Variants in DDX10 observed in about 807,000 individuals in gnomAD.
DDX10 encodes the protein probable ATP-dependent RNA helicase DDX10.
DDX10 carries 74 observed loss-of-function variants against 104.3 expected under a neutral mutation model. That is an observed-to-expected ratio of 0.71 (90% CI 0.59 to 0.86). DDX10 has a LOEUF of 0.86. Ranked by LOEUF, DDX10 falls within the 40% of genes least tolerant of loss-of-function variation. The probability of loss-of-function intolerance (pLI) is 0.00; values close to 1 mark genes in which losing one functional copy is unlikely to be tolerated. For missense variants in DDX10, 952 were observed against 1,040.0 expected, an observed-to-expected ratio of 0.92 and a Z score of 1.16; for synonymous variants, 351 against 353.4, an observed-to-expected ratio of 0.99 and a Z score of 0.08.
At chr11:108,939,418 T>A (rs1591133912) in intron 17 of DDX10, among the ~76,000 whole-genome samples, 1 of 152,184 alleles carries the variant, frequency 6.6e-6, no homozygotes, top group African/African-American at 2.4e-5. Context: ...AATGACATAA[T>A]CTATGTAAGG....
At position 108,696,123 on chromosome 11, in the gene DDX10, G is replaced by A. The variant is rs564136190; in HGVS notation, c.1223+2523G>A. On this transcript the variant is annotated intron_variant, in intron 9 of 17. Coordinates refer to ENST00000322536, the MANE Select transcript of DDX10 (RefSeq NM_004398.4). ...TGCCTGTTCTCCATTTTTATGAGGG[G>A]GTAGATGGTGCCTCATTGGTCTTTA... Among the ~76,000 whole-genome samples, 137 of 152,064 alleles carry A rather than the reference G, an allele frequency of 9.0e-4. 1 individual carries two copies. The highest frequency in any genetic ancestry group is 3.2e-3 in the African/African-American group (133 of 41,492).
At chr11:108,672,212 T>C (rs1023901750) in intron 1 of DDX10, among the ~76,000 whole-genome samples, 1 of 152,152 alleles carries the variant, frequency 6.6e-6, no homozygotes. Context: ...GTGCAATGTT[T>C]TGTTTGAGGA....
At chr11:108,809,355 G>T (rs557639456) in intron 13 of DDX10, among the ~76,000 whole-genome samples, 5 of 152,132 alleles carry the variant, frequency 3.3e-5, no homozygotes, top group Admixed American at 1.3e-4. Context: ...TAGGGACTCC[G>T]CCCCCTTCCT....
At chr11:108,768,300 G>A (rs1309613992) in intron 13 of DDX10, among the ~76,000 whole-genome samples, 4 of 152,180 alleles carry the variant, frequency 2.6e-5, no homozygotes, top group African/African-American at 7.2e-5. Context: ...TTTCCAAAGT[G>A]AGGAGCAGGA....
At chr11:108,877,784 G>A (rs959553983) in intron 16 of DDX10, among the ~76,000 whole-genome samples, 1 of 152,184 alleles carries the variant, frequency 6.6e-6, no homozygotes, top group Non-Finnish European at 1.5e-5. Flanking sequence ...TTGGTAAGGA[G>A]AGGGTAGAAA....
chr11:108,852,921 A>C (rs1316336936), intron 16 of DDX10, among the ~76,000 whole-genome samples: 1 of 152,074 alleles, frequency 6.6e-6, no homozygotes, highest in African/African-American at 2.4e-5. Context: ...ACTAGCCATG[A>C]TTTCTTCTTG....
chr11:108,879,107 G>A (rs1196914384), intron 16 of DDX10, among the ~76,000 whole-genome samples: 1 of 152,048 alleles, frequency 6.6e-6, no homozygotes, highest in East Asian at 1.9e-4. Flanking sequence ...AGGTTCAAGC[G>A]ATTCCCGTGT....
At chr11:108,936,023 T>A (rs1864032975) in intron 17 of DDX10, among the ~76,000 whole-genome samples, 2 of 152,176 alleles carry the variant, frequency 1.3e-5, no homozygotes, top group South Asian at 4.1e-4. Context: ...CACAACTTAG[T>A]CTTTGCCACA....
intron 13 of DDX10, among the ~76,000 whole-genome samples, chr11:108,763,435 C>A (rs1333498534): frequency 1.3e-5 from 2 of 152,026 alleles, no homozygotes; most frequent in Non-Finnish European, 1.5e-5. Context: ...ATGCCAGTAA[C>A]AAATAAGTCT....
intron 17 of DDX10, among the ~76,000 whole-genome samples, chr11:108,939,051 G>A (rs549279524): frequency 5.9e-5 from 9 of 152,116 alleles, no homozygotes; most frequent in Non-Finnish European, 8.8e-5. Flanking sequence ...GAAAGTTAAC[G>A]TGTATTGAGC....
In DDX10 at chr11:108,925,073, C is replaced by G. The variant is rs180716816; in HGVS notation, c.2450+7055C>G. ...TGCCAAGCAACTTTCAAGAGAAAAT[C>G]TCAGTCGTTTCTTATTTGTCAAACA... On this transcript the variant is annotated intron_variant, in intron 17 of 17. Transcript: ENST00000322536. Among the ~76,000 whole-genome samples, 53 of 152,274 alleles carry G rather than the reference C, an allele frequency of 3.5e-4. 1 individual carries two copies. Among genetic ancestry groups the G allele is most frequent in the African/African-American group, 1.3e-3 (53 of 41,548 alleles).
intron 13 of DDX10, among the ~76,000 whole-genome samples, chr11:108,784,630 T>C (rs772456531): frequency 3.3e-5 from 5 of 152,228 alleles, no homozygotes; most frequent in South Asian, 2.1e-4. Flanking sequence ...ATATTTTTTC[T>C]CCGATTCTGT....
At chr11:108,914,970 T>G (rs761413336) in intron 16 of DDX10, among the ~76,000 whole-genome samples, 6 of 151,392 alleles carry the variant, frequency 4.0e-5, no homozygotes, top group Non-Finnish European at 5.9e-5. Flanking sequence ...CAGTAGAAAT[T>G]GTCCTGTATG....
At chr11:108,665,593 GTCATAT>G (rs1430433444) in intron 1 of DDX10, among the ~76,000 whole-genome samples, 3 of 152,084 alleles carry the variant, frequency 2.0e-5, no homozygotes, top group Admixed American at 2.0e-4. Flanking sequence ...AATAGCTACA[GTCATAT>G]TCATATTAAT....
chr11:108,888,595 G>C (rs141868734), intron 16 of DDX10, among the ~76,000 whole-genome samples: 16 of 152,224 alleles, frequency 1.1e-4, no homozygotes, highest in African/African-American at 3.9e-4. Flanking sequence ...AGACTGTACA[G>C]CTGTACCTGT....
At chr11:108,877,965 A>G (rs1863174790) in intron 16 of DDX10, among the ~76,000 whole-genome samples, 1 of 152,084 alleles carries the variant, frequency 6.6e-6, no homozygotes, top group African/African-American at 2.4e-5. Flanking sequence ...CCTTTTCTTT[A>G]TCTTGCTTCT....
chr11:108,830,876 CAAAAT>C (rs1160568245), intron 13 of DDX10, among the ~76,000 whole-genome samples: 1 of 152,092 alleles, frequency 6.6e-6, no homozygotes, highest in Non-Finnish European at 1.5e-5. Context: ...GGCTTTAAAA[CAAAAT>C]ATCAAATAGT....
At chr11:108,844,591 T>C (rs914853745) in intron 15 of DDX10, among the ~76,000 whole-genome samples, 4 of 152,216 alleles carry the variant, frequency 2.6e-5, no homozygotes, top group Non-Finnish European at 1.5e-5. Flanking sequence ...TTGGGAAGAA[T>C]ACTGTGCTGT....
chr11:108,940,426 A>T lies in DDX10; in HGVS notation c.*3A>T. The T allele has an allele frequency of 6.2e-7, 1 of 1,611,794 alleles. No individual in the cohort carries two copies. Among genetic ancestry groups the T allele is most frequent in the Non-Finnish European group, 8.5e-7 (1 of 1,179,184 alleles). ...ATCTGCTAAGAAGTCAAAGCTAAAT[A>T]CTTCCTGCGCCTGCCTTCTCCTTGA... On this transcript the variant is annotated 3_prime_UTR_variant, in exon 18 of 18. Transcript: ENST00000322536.
Sources: allele counts gnomAD v4.1 joint callset (sites outside exome capture counted in the v4.1 genomes callset), GRCh38; gene constraint gnomAD v4.1.1; transcripts MANE v1.5; gene names NCBI Gene and HGNC (gene_info 2026-07-23, HGNC 2026-07-21).